CHAT: variants seen among roughly 807,000 people sequenced by gnomAD.
CHAT encodes choline O-acetyltransferase.
A neutral mutation model predicts 76.9 loss-of-function variants in CHAT; 61 were observed. The ratio of observed to expected loss-of-function variants is 0.79; its 90% CI spans 0.65 to 0.98. The LOEUF (loss-of-function observed/expected upper bound fraction) is 0.98. Ranked by LOEUF, CHAT falls within the 50% of genes least tolerant of loss-of-function variation. The pLI is 0.00. For synonymous variants in CHAT, 407 were observed against 397.4 expected, an observed-to-expected ratio of 1.02 and a Z score of -0.29; for missense variants, 946 against 986.9, an observed-to-expected ratio of 0.96 and a Z score of 0.56.
At position 49,625,368 on chromosome 10, in the gene CHAT, G is replaced by A. The variant is rs550940865; in HGVS notation, c.753-105G>A. 218 of 1,027,272 alleles carry A rather than the reference G, an allele frequency of 2.1e-4. 1 individual carries two copies. The highest frequency in any genetic ancestry group is 1.8e-3 in the Middle Eastern group (6 of 3,350). The allele number at this position is 1,027,272 out of a possible 1,614,324, so 63.6% of individuals were successfully genotyped here. Reference sequence around the variant, plus strand: ...CCATGATGATGCAGTTCTGGGTTCTGTGCCCCATTTTGCCTGATCAAGTTA... The same window carrying A: ...CCATGATGATGCAGTTCTGGGTTCTATGCCCCATTTTGCCTGATCAAGTTA... On this transcript the variant is annotated intron_variant, in intron 5 of 14. Coordinates refer to ENST00000337653, the MANE Select transcript of CHAT (RefSeq NM_020549.5).
At chr10:49,658,327 C>A (rs1840093246) in intron 13 of CHAT, among the ~76,000 whole-genome samples, 1 of 152,014 alleles carries the variant, frequency 6.6e-6, no homozygotes, top group African/African-American at 2.4e-5. Flanking sequence ...TCCAGCCTGA[C>A]CAACATGGAG....
At chr10:49,610,822 C>T, upstream of CHAT, 1 of 1,605,252 alleles carries the variant, frequency 6.2e-7, no homozygotes, top group Non-Finnish European at 8.5e-7. Context: ...GCTGCAGGAG[C>T]CCCGGCGGCA....
rs1406623808 is a variant in CHAT at position 49,666,807 on chromosome 10, T to A, written c.*1761T>A. ...TTCCCTCCCACGGCCACCTTCCTAC[T>A]CTGCTTAGGAAGTTGCAGCACAAGG... On this transcript the variant is annotated 3_prime_UTR_variant, in exon 15 of 15. Transcript: ENST00000337653. Among the ~76,000 whole-genome samples the A allele has an allele frequency of 6.6e-6, 1 of 152,178 alleles. No homozygotes were observed. Among genetic ancestry groups the A allele is most frequent in the African/African-American group, 2.4e-5 (1 of 41,450 alleles).
chr10:49,660,952 C>A (rs1174667460), intron 13 of CHAT, among the ~76,000 whole-genome samples: 1 of 152,112 alleles, frequency 6.6e-6, no homozygotes, highest in Non-Finnish European at 1.5e-5. Flanking sequence ...TGGTCCAGAG[C>A]CCCCATCACT....
upstream of CHAT, chr10:49,612,075 G>T (rs1407122175): frequency 1.9e-6 from 3 of 1,613,506 alleles, no homozygotes; most frequent in South Asian, 1.1e-5. Context: ...TTGTGCACTC[G>T]CTGGGCTTTG....
Position 49,665,206 on chromosome 10 carries a change from A to C in CHAT, c.*160A>C. ...CATCACACAGAGCCGGAGTGTTAGG[A>C]GGAAAGGGTCCCCTCTTCATGCATG... On this transcript the variant is annotated 3_prime_UTR_variant, in exon 15 of 15. Coordinates refer to ENST00000337653, the MANE Select transcript of CHAT (RefSeq NM_020549.5). 1 of 807,346 alleles carries C rather than the reference A, an allele frequency of 1.2e-6. No homozygotes were observed. Among genetic ancestry groups the C allele is most frequent in the Non-Finnish European group, 2.1e-6 (1 of 484,632 alleles). 50.0% of individuals were successfully genotyped at this position (807,346 alleles called of 1,614,324 possible).
chr10:49,624,215 C>T (rs535521432), intron 5 of CHAT, among the ~76,000 whole-genome samples: 3 of 152,282 alleles, frequency 2.0e-5, no homozygotes, highest in African/African-American at 7.2e-5. Context: ...AATATATTTT[C>T]TTTCATTTTG....
chr10:49,626,021 C>G (rs1838910245), intron 6 of CHAT, among the ~76,000 whole-genome samples: 1 of 152,234 alleles, frequency 6.6e-6, no homozygotes, highest in South Asian at 2.1e-4. Context: ...CAAATAGGAC[C>G]TTTCATGTGT....
chr10:49,641,725 G>C (rs952427500), intron 7 of CHAT, among the ~76,000 whole-genome samples: 1 of 152,180 alleles, frequency 6.6e-6, no homozygotes. Flanking sequence ...AAAGATCCCA[G>C]TTCATCCATC....
rs763310818 is a variant in CHAT at position 49,667,033 on chromosome 10, G to A, written c.*1987G>A. Among the ~76,000 whole-genome samples the A allele has an allele frequency of 1.3e-5, 2 of 152,208 alleles. No homozygotes were observed. Among genetic ancestry groups the A allele is most frequent in the African/African-American group, 2.4e-5 (1 of 41,452 alleles). On this transcript the variant is annotated 3_prime_UTR_variant, in exon 15 of 15. Transcript: ENST00000337653. ...CTCGGCCAAATGACATGCATGCCCA[G>A]AGACGCAGTTCCTTCCACTGTCAAA...
intron 1 of CHAT, 28 bp downstream of exon 1, chr10:49,614,503 C>T (rs1307509114): frequency 2.1e-6 from 3 of 1,453,998 alleles, no homozygotes; most frequent in Non-Finnish European, 2.7e-6. Flanking sequence ...GCTGGGCTGG[C>T]GGAGCGCGGT....
rs1199505498 is a variant in CHAT at position 49,666,706 on chromosome 10, A to AT, written c.*1662dup. On this transcript the variant is annotated 3_prime_UTR_variant, in exon 15 of 15. Transcript: ENST00000337653. ...CCCTGGTTTTAGATGGAGGATCTCT[A>AT]TTAGATGTCATGGGAGATTTGGGCA... Among the ~76,000 whole-genome samples, 1 of 152,198 alleles carries AT rather than the reference A, an allele frequency of 6.6e-6. No homozygotes were observed. The highest frequency in any genetic ancestry group is 2.4e-5 in the African/African-American group (1 of 41,462).
upstream of CHAT, chr10:49,610,729 C>T: frequency 1.3e-6 from 2 of 1,490,794 alleles, no homozygotes; most frequent in Non-Finnish European, 1.8e-6. Flanking sequence ...GGAAGAGCAT[C>T]GGGGTGGGGG....
Position 49,619,939 on chromosome 10 carries a change from C to T in CHAT, c.579+23C>T, listed in dbSNP as rs201845044. On this transcript the variant is annotated intron_variant, in intron 3 of 14. Transcript: ENST00000337653. ...TGGGTAAGAGGGGCAGACAAGGAAC[C>T]CATAGAAGAGGGGCGGGAGGCAGAC... 1.0e-5 allele frequency: 16 copies of T among 1,602,548 alleles called. No individual in the cohort carries two copies. The East Asian group carries it at 3.1e-4, about 32-fold the overall frequency.
At chr10:49,649,695 A>C (rs1279759252) in intron 10 of CHAT, 59 bp downstream of exon 10, 7 of 1,596,554 alleles carry the variant, frequency 4.4e-6, no homozygotes, top group Non-Finnish European at 6.0e-6. Context: ...GCCCTTGCCT[A>C]CTAGCTCCCA....
chr10:49,616,549 C>G lies in CHAT; in HGVS notation c.334C>G (p.Leu112Val). ...PAPGLTKTPI[L>V]EKVPRKMAAK... is the part of the protein sequence containing the mutation. Reference sequence around the variant, plus strand: ...ACCAGGACTCACCAAGACGCCCATCCTGGAAAAGGTCCCCCGTAAGATGGC... The same window carrying G: ...ACCAGGACTCACCAAGACGCCCATCGTGGAAAAGGTCCCCCGTAAGATGGC... The change falls in exon 2 of 15, where the codon CTG (leucine) becomes GTG (valine). Residue 112 changes from leucine to valine, a missense_variant. Transcript: ENST00000337653. 2.5e-6 allele frequency: 4 copies of G among 1,613,280 alleles called. No homozygotes were observed. The highest frequency in any genetic ancestry group is 3.4e-6 in the Non-Finnish European group (4 of 1,179,590).
In CHAT at chr10:49,620,629, T is replaced by G; in HGVS notation, c.698+16T>G. ...ACCAGCTGAGGTGAGGCCTTGGTGCTCCTAGCTCATAACCTGGGGACCCAC... is the reference window on the plus strand; with the variant it reads ...ACCAGCTGAGGTGAGGCCTTGGTGCGCCTAGCTCATAACCTGGGGACCCAC... On this transcript the variant is annotated intron_variant, in intron 4 of 14. Transcript: ENST00000337653. The G allele has an allele frequency of 1.3e-6, 2 of 1,587,352 alleles. No individual in the cohort carries two copies. The highest frequency in any genetic ancestry group is 1.7e-6 in the Non-Finnish European group (2 of 1,156,264).
chr10:49,635,190 T>C (rs189494976), intron 7 of CHAT, among the ~76,000 whole-genome samples: 1 of 152,372 alleles, frequency 6.6e-6, no homozygotes, highest in Admixed American at 6.5e-5. Context: ...ATAGCATGTA[T>C]GATGCAGGGT....
chr10:49,612,880 G>A (rs887369852), upstream of CHAT, among the ~76,000 whole-genome samples: 2 of 152,238 alleles, frequency 1.3e-5, no homozygotes, highest in Non-Finnish European at 2.9e-5. Flanking sequence ...TAGGAAGGAA[G>A]CAAACCCAAC....
Sources: gnomAD v4.1 joint callset for allele counts (sites outside exome capture counted in the v4.1 genomes callset) on GRCh38, gnomAD v4.1.1 for gene constraint, MANE v1.5 for transcripts, NCBI Gene and HGNC (gene_info 2026-07-23, HGNC 2026-07-21) for gene names.